Variants in ANKRD26 observed in about 807,000 individuals in gnomAD.
The protein encoded by ANKRD26 is ankyrin repeat domain 26.
In ANKRD26, 141 loss-of-function variants were observed where a neutral mutation model predicts 208.7. That is an observed-to-expected ratio of 0.68 (90% CI 0.59 to 0.78). ANKRD26 has a LOEUF of 0.78. ANKRD26 is among the 30% of genes least tolerant of loss of function. The pLI is 0.00. For synonymous variants in ANKRD26, 636 were observed against 660.4 expected (o/e 0.96, Z 0.57); for missense variants, 1,889 against 1,938.7 (o/e 0.97, Z 0.48).
intron 27 of ANKRD26, among the ~76,000 whole-genome samples, chr10:27,027,578 C>CTT (rs1291835793): frequency 6.6e-6 from 1 of 152,056 alleles, no homozygotes; most frequent in African/African-American, 2.4e-5. Flanking sequence ...CTATCATAAT[C>CTT]TTTTTTATTA....
Position 27,093,433 on chromosome 10 carries a change from A to G in ANKRD26, c.447T>C (p.Ala149=), listed in dbSNP as rs760212656. The change falls in exon 3 of 34, where the codon GCT becomes GCC. Residue 149 remains alanine (A), a synonymous_variant. Coordinates refer to ENST00000376087, the MANE Select transcript of ANKRD26 (RefSeq NM_014915.3). ...PNLADVHGNT[A]LHYAVYNEDI... ...CCTCATTATAGACAGCATAGTGAAG[A>G]GCAGTGTTGCCATGGACATCCGCAA... The G allele has an allele frequency of 1.2e-6, 2 of 1,614,174 alleles. No individual in the cohort carries two copies. The highest frequency in any genetic ancestry group is 1.7e-6 in the Non-Finnish European group (2 of 1,180,012).
At chr10:27,060,304 C>T (rs764268393) in intron 15 of ANKRD26, 41 bp downstream of exon 15, 18 of 1,458,996 alleles carry the variant, frequency 1.2e-5, no homozygotes, top group South Asian at 3.5e-5. Flanking sequence ...AAAATTTTAA[C>T]GTACTTCCTT....
intron 1 of ANKRD26, among the ~76,000 whole-genome samples, chr10:27,094,734 G>A (rs1013862110): frequency 1.3e-5 from 2 of 152,220 alleles, no homozygotes; most frequent in African/African-American, 4.8e-5. Context: ...AGGCATGGCG[G>A]CTCATGCCTG....
intron 1 of ANKRD26, among the ~76,000 whole-genome samples, chr10:27,098,786 T>C (rs2056550868): frequency 6.6e-6 from 1 of 151,656 alleles, no homozygotes; most frequent in Non-Finnish European, 1.5e-5. Flanking sequence ...CCTGACCTCG[T>C]GATCCGCCCG....
chr10:27,017,737 TC>T lies in ANKRD26; in HGVS notation c.4270del (p.Asp1424IlefsTer14), dbSNP rs1232579467. On this transcript the variant is annotated frameshift_variant, in exon 30 of 34. Coordinates refer to ENST00000376087, the MANE Select transcript of ANKRD26 (RefSeq NM_014915.3). LOFTEE classifies it high-confidence loss of function. ...ETAGSKCLHL[D>X]TKNQILQEEL... ...CTCTTGAAGAATTTGGTTCTTTGTA[TC>T]CAGATGTAGACATTTTGAACCTGCA... is the stretch of plus-strand genomic sequence containing the variant. The T allele has an allele frequency of 1.2e-6, 2 of 1,613,194 alleles. No individual in the cohort carries two copies. Among genetic ancestry groups the T allele is most frequent in the Admixed American group, 1.7e-5 (1 of 59,946 alleles).
Position 27,014,729 on chromosome 10 carries a change from CAT to C in ANKRD26, c.4507-20_4507-19del, listed in dbSNP as rs1491483606. Reference sequence around the variant, plus strand: ...GCTTGTGCCTAAAACAAATTAAAAGCATATGTTTTAAAAATATATAACCTGAG... The same window carrying C: ...GCTTGTGCCTAAAACAAATTAAAAGCATGTTTTAAAAATATATAACCTGAG... On this transcript the variant is annotated intron_variant, in intron 30 of 33. Transcript: ENST00000376087. 6 of 1,593,854 alleles carry C rather than the reference CAT, an allele frequency of 3.8e-6. No individual in the cohort carries two copies. Among genetic ancestry groups the C allele is most frequent in the African/African-American group, 2.7e-5 (2 of 74,468 alleles).
rs764020237 is a variant in ANKRD26, at chr10:27,093,783, C to A, written c.259G>T (p.Ala87Ser). 3.7e-6 allele frequency: 6 copies of A among 1,614,106 alleles called. No individual in the cohort carries two copies. The South Asian group carries it at 6.6e-5, about 18-fold the overall frequency. The change falls in exon 2 of 34, where the codon GCC becomes TCC. Residue 87 changes from alanine to serine, a missense_variant. Around this residue, in one of 3 missense-constraint regions of ANKRD26, gnomAD observed 1,272 missense variants for 1,273.8 expected, o/e 1.00. Transcript: ENST00000376087. ...ACTTCTGGATGACCATTGGCACAGG[C>A]CAAATGTAGAGCCGTCCTATGAGAG... ...DKMNRTALHL[A>S]CANGHPEVVT... is the part of the protein sequence containing the mutation.
chr10:27,065,185 C>T (rs528350656), intron 11 of ANKRD26, among the ~76,000 whole-genome samples: 2 of 152,236 alleles, frequency 1.3e-5, no homozygotes, highest in Admixed American at 1.3e-4. Flanking sequence ...TACAAACTCC[C>T]TCAATTTTCT....
intron 12 of ANKRD26, chr10:27,062,382 T>C (rs1047370162): frequency 1.0e-5 from 3 of 291,526 alleles, no homozygotes; most frequent in Non-Finnish European, 1.5e-5. Context: ...GTCTATACCC[T>C]TGTTACTCAG....
At chr10:27,058,542 G>A (rs2054923357) in intron 15 of ANKRD26, among the ~76,000 whole-genome samples, 1 of 151,232 alleles carries the variant, frequency 6.6e-6, no homozygotes, top group Admixed American at 6.6e-5. Flanking sequence ...TCTCCTCATT[G>A]GTAAGCATGA....
chr10:27,093,345 A>G lies in ANKRD26; in HGVS notation c.531+4T>C, dbSNP rs374520789. The G allele has an allele frequency of 6.2e-7, 1 of 1,613,128 alleles. No individual in the cohort carries two copies. ...CTGTAAAAATAAAGTTGGTTGATCTATACCTTGTTTTTTGCTTCAATATTT... is the reference window on the plus strand; with the variant it reads ...CTGTAAAAATAAAGTTGGTTGATCTGTACCTTGTTTTTTGCTTCAATATTT... On this transcript the variant is annotated splice_donor_region_variant and intron_variant, in intron 3 of 33. Coordinates refer to ENST00000376087, the MANE Select transcript of ANKRD26 (RefSeq NM_014915.3).
At chr10:26,983,933 G>A (rs147853830) in intron 3 of ANKRD26, among the ~76,000 whole-genome samples, 1 of 152,138 alleles carries the variant, frequency 6.6e-6, no homozygotes, top group Non-Finnish European at 1.5e-5. Context: ...ATCATGACAG[G>A]CTGGAGCCAC....
At position 27,093,848 on chromosome 10, in the gene ANKRD26, A is replaced by G. The variant is rs747392935; in HGVS notation, c.243-49T>C. 2.2e-5 allele frequency: 30 copies of G among 1,336,472 alleles called. No individual in the cohort carries two copies. The East Asian group carries it at 6.0e-4, about 27-fold the overall frequency. The allele number at this position is 1,336,472 out of a possible 1,614,324, so 82.8% of individuals were successfully genotyped here. A position where few individuals can be genotyped will look rare whatever the true frequency, so the allele number is the denominator to read the frequency against. On this transcript the variant is annotated intron_variant, in intron 1 of 33. Coordinates refer to ENST00000376087, the MANE Select transcript of ANKRD26 (RefSeq NM_014915.3). Reference sequence around the variant, plus strand: ...ATAAACTGTAGTGCACTGTCTCAAAACATACAATGGTTCATAAAATTATAA... The same window carrying G: ...ATAAACTGTAGTGCACTGTCTCAAAGCATACAATGGTTCATAAAATTATAA...
intron 19 of ANKRD26, 39 bp from the exon 20 acceptor site, chr10:27,043,606 A>G: frequency 1.3e-6 from 2 of 1,581,452 alleles, no homozygotes; most frequent in African/African-American, 1.3e-5. Context: ...TGTCCCCAGA[A>G]TATTTATAGC....
the ANKRD26 span, among the ~76,000 whole-genome samples, chr10:26,961,357 C>A: frequency 1.3e-5 from 2 of 152,100 alleles, no homozygotes; most frequent in South Asian, 2.1e-4. Flanking sequence ...AAATAAAATT[C>A]TGTCCCCAAC....
chr10:27,030,486 T>C, intron 25 of ANKRD26: 1 of 985,462 alleles, frequency 1.0e-6, no homozygotes, highest in Non-Finnish European at 1.2e-6. Context: ...TATGCTGAGC[T>C]GCTTTAGCGA....
chr10:27,016,615 T>C (rs1296241155), intron 30 of ANKRD26, among the ~76,000 whole-genome samples: 1 of 151,466 alleles, frequency 6.6e-6, no homozygotes, highest in Non-Finnish European at 1.5e-5. Flanking sequence ...ACACAAGTTG[T>C]GTTAAAGTCC....
downstream of ANKRD26, among the ~76,000 whole-genome samples, chr10:26,987,320 A>G (rs2052407095): frequency 6.6e-6 from 1 of 152,146 alleles, no homozygotes; most frequent in African/African-American, 2.4e-5. Flanking sequence ...TAGGAGATAT[A>G]CCTAATGTTA....
chr10:26,972,213 C>A (rs1303341370), downstream of ANKRD26, among the ~76,000 whole-genome samples: 14 of 141,664 alleles, frequency 9.9e-5, no homozygotes, highest in African/African-American at 1.9e-4. Flanking sequence ...CCAGCCTGGG[C>A]GACAGAGCGA....
Sources: allele counts gnomAD v4.1 joint callset (sites outside exome capture counted in the v4.1 genomes callset), GRCh38; gene constraint gnomAD v4.1.1; regional missense constraint gnomAD v4.1.1; transcripts MANE v1.5; gene names NCBI Gene and HGNC (gene_info 2026-07-23, HGNC 2026-07-21).